The following PITPNM2 variants were observed in gnomAD, a reference collection of about 807,000 sequenced individuals.
PITPNM2 encodes the protein membrane-associated phosphatidylinositol transfer protein 2.
PITPNM2 carries 35 observed loss-of-function variants against 132.2 expected under a neutral mutation model. That is an observed-to-expected ratio of 0.26 (90% CI 0.20 to 0.35). The LOEUF (loss-of-function observed/expected upper bound fraction) is 0.35. Ranked by LOEUF, PITPNM2 falls within the 10% of genes least tolerant of loss-of-function variation. The probability of loss-of-function intolerance (pLI) is 1.00; values close to 1 mark genes in which losing one functional copy is unlikely to be tolerated. For synonymous variants in PITPNM2, 738 were observed against 799.2 expected (o/e 0.92, Z 1.29); for missense variants, 1,332 against 1,912.0 (o/e 0.70, Z 5.66).
At chr12:123,118,519 G>A (rs1359520055) in intron 1 of PITPNM2, among the ~76,000 whole-genome samples, 3 of 152,190 alleles carry the variant, frequency 2.0e-5, no homozygotes, top group Non-Finnish European at 4.4e-5. Flanking sequence ...AAGCAAAGAG[G>A]GAAATATGCT....
rs146164687 is a variant in PITPNM2, at chr12:123,054,806, G to A, written c.-95-20121C>T. On this transcript the variant is annotated intron_variant, in intron 2 of 25. Transcript: ENST00000320201. ...TGCTGAGGTATGGTGGCTCATGCCT[G>A]TAATCCCAGCACTTTGGGAGGCCAA... is the stretch of plus-strand genomic sequence containing the variant. Among the ~76,000 whole-genome samples the A allele has an allele frequency of 7.1e-3, 1,084 of 152,368 alleles. 14 individuals carry two copies. The highest frequency in any genetic ancestry group is 0.024 in the African/African-American group (998 of 41,584).
rs1592963165 is a variant in PITPNM2, at chr12:123,036,431, T to A, written c.-95-1746A>T. Among the ~76,000 whole-genome samples, 1 of 152,204 alleles carries A rather than the reference T, an allele frequency of 6.6e-6. No homozygotes were observed. ...CCCATTCAAATTCTCACATCCATCC[T>A]GGCATTATGGGATGCCAAGGCAGGT... On this transcript the variant is annotated intron_variant, in intron 2 of 25. Transcript: ENST00000320201. The surrounding 1 kb of genome is among the most constrained non-coding windows in gnomAD (Gnocchi z 4.1).
At position 123,000,297 on chromosome 12, in the gene PITPNM2, C is replaced by A; in HGVS notation, c.1224+481G>T. 1 of 651,542 alleles carries A rather than the reference C, an allele frequency of 1.5e-6. No individual in the cohort carries two copies. Among genetic ancestry groups the A allele is most frequent in the South Asian group, 1.6e-5 (1 of 60,754 alleles). The allele number at this position is 651,542 out of a possible 1,614,324, so 40.4% of individuals were successfully genotyped here. A position where few individuals can be genotyped will look rare whatever the true frequency, so the allele number is the denominator to read the frequency against. On this transcript the variant is annotated intron_variant, in intron 10 of 25. Coordinates refer to ENST00000320201, the MANE Select transcript of PITPNM2 (RefSeq NM_020845.3). The surrounding 1 kb of genome is among the most constrained non-coding windows in gnomAD (Gnocchi z 5.4). ...CCACAGAGAACCCCCGAAGCGGATA[C>A]AGGCGCTCTACCAAGACAGTTTTAT... is the stretch of plus-strand genomic sequence containing the variant.
At chr12:123,053,562 CTTTTTTT>C (rs964541144) in intron 2 of PITPNM2, among the ~76,000 whole-genome samples, 3 of 119,872 alleles carry the variant, frequency 2.5e-5, no homozygotes, top group South Asian at 2.8e-4. Context: ...ATGGTGACAT[CTTTTTTT>C]TTTTTTTTTT....
chr12:122,986,683 C>T lies in PITPNM2; in HGVS notation c.3560G>A (p.Arg1187Gln), dbSNP rs765551149. The change falls in exon 24 of 26, where the codon CGG becomes CAG. Residue 1187 changes from arginine to glutamine, a missense_variant. Arg to Gln is a conservative substitution (Grantham distance 43). Around this residue, in one of 6 missense-constraint regions of PITPNM2, gnomAD observed 251 missense variants for 472.0 expected, o/e 0.53. Coordinates refer to ENST00000320201, the MANE Select transcript of PITPNM2 (RefSeq NM_020845.3). ...CAGCTTCAGGAAGTTGGCCTTGTGC[C>T]GCAGCGGGTCATGCACCAGGCCGTC... ...FCDGLVHDPL[R>Q]HKANFLKLLI... 8 of 1,613,404 alleles carry T rather than the reference C, an allele frequency of 5.0e-6. No individual in the cohort carries two copies. Among genetic ancestry groups the T allele is most frequent in the Admixed American group, 1.7e-5 (1 of 60,016 alleles).
At chr12:122,991,691 G>A (rs1221186623) in intron 16 of PITPNM2, 2 of 1,280,366 alleles carry the variant, frequency 1.6e-6, no homozygotes, top group South Asian at 6.8e-5. Context: ...GGATTGGGGG[G>A]TGTCCCTGAG....
At chr12:123,140,806 G>T (rs778879209) in intron 1 of PITPNM2, among the ~76,000 whole-genome samples, 2 of 151,962 alleles carry the variant, frequency 1.3e-5, no homozygotes, top group Non-Finnish European at 2.9e-5. Flanking sequence ...TCCAAATTTG[G>T]CCTCAAAGTC....
Position 122,996,857 on chromosome 12 carries a change from A to G in PITPNM2, c.1526T>C (p.Ile509Thr). 1 of 1,597,430 alleles carries G rather than the reference A, an allele frequency of 6.3e-7. No homozygotes were observed. Among genetic ancestry groups the G allele is most frequent in the Non-Finnish European group, 8.5e-7 (1 of 1,175,694 alleles). Residue 509 changes from isoleucine (I) to threonine (T), a missense_variant, in exon 12 of 26, where the codon ATT becomes ACT. Around this residue, in one of 6 missense-constraint regions of PITPNM2, gnomAD observed 710 missense variants for 911.5 expected, o/e 0.78. Coordinates refer to ENST00000320201, the MANE Select transcript of PITPNM2 (RefSeq NM_020845.3). ...EGCLSSSQDHIPLAALPLLAT... is the reference protein window; with the variant it reads ...EGCLSSSQDHTPLAALPLLAT... ...CAGCAGGGGGAGGGCAGCCAGGGGAATGTGGTCCTGACTGCTGGACAGACA... is the reference window on the plus strand; with the variant it reads ...CAGCAGGGGGAGGGCAGCCAGGGGAGTGTGGTCCTGACTGCTGGACAGACA...
Position 123,105,842 on chromosome 12 carries a change from T to C in PITPNM2, c.-96+4543A>G, listed in dbSNP as rs1472947065. On this transcript the variant is annotated intron_variant, in intron 2 of 25. Transcript: ENST00000320201. ...AGAGGAAGAAGGAAAAGAAAGGTGG[T>C]GAGAAAGAGTTTCCCATGCTGAGAA... Among the ~76,000 whole-genome samples, 7 of 152,016 alleles carry C rather than the reference T, an allele frequency of 4.6e-5. No homozygotes were observed. In the East Asian group the frequency reaches 1.2e-3, roughly 25 times the overall value.
intron 2 of PITPNM2, among the ~76,000 whole-genome samples, chr12:123,096,637 G>C (rs575063095): frequency 3.3e-5 from 5 of 152,144 alleles, no homozygotes; most frequent in Non-Finnish European, 7.4e-5. Context: ...CCACAGGCCC[G>C]GGGGCATCTG....
rs944842641 is a variant in PITPNM2 at position 123,036,466 on chromosome 12, G to T, written c.-95-1781C>A. 1.3e-5 allele frequency among the ~76,000 whole-genome samples: 2 copies of T among 152,136 alleles called. No individual in the cohort carries two copies. Among genetic ancestry groups the T allele is most frequent in the African/African-American group, 4.8e-5 (2 of 41,438 alleles). On this transcript the variant is annotated intron_variant, in intron 2 of 25. Coordinates refer to ENST00000320201, the MANE Select transcript of PITPNM2 (RefSeq NM_020845.3). This position sits in a 1 kb window ranked among gnomAD's most constrained non-coding sequence, Gnocchi z 4.1. ...GGATGCCAAGGCAGGTGGACTGCTT[G>T]AGGTCAAGCAAGCTCAAGACCAGCC...
At chr12:123,006,750 TAA>T (rs2038952106) in intron 6 of PITPNM2, among the ~76,000 whole-genome samples, 1 of 149,938 alleles carries the variant, frequency 6.7e-6, no homozygotes, top group Admixed American at 6.7e-5. Context: ...ATAATAATAA[TAA>T]TAGAATGATA....
chr12:123,040,012 G>T (rs1266219317), intron 2 of PITPNM2, among the ~76,000 whole-genome samples: 2 of 152,060 alleles, frequency 1.3e-5, no homozygotes, highest in African/African-American at 4.8e-5. Context: ...TGCCTGTAGT[G>T]CCAGCTACTC....
intron 2 of PITPNM2, among the ~76,000 whole-genome samples, chr12:123,110,169 G>C (rs1441845501): frequency 6.6e-6 from 1 of 152,118 alleles, no homozygotes; most frequent in East Asian, 1.9e-4. Context: ...TGCCGAGGCT[G>C]TCTTGAAATC....
At chr12:123,030,445 G>A (rs981993742) in intron 3 of PITPNM2, among the ~76,000 whole-genome samples, 3 of 152,184 alleles carry the variant, frequency 2.0e-5, no homozygotes, top group African/African-American at 7.2e-5. Context: ...TGTAATCCCA[G>A]CACTTTGGGA....
At chr12:123,043,067 C>T (rs2040547657) in intron 2 of PITPNM2, among the ~76,000 whole-genome samples, 2 of 152,030 alleles carry the variant, frequency 1.3e-5, no homozygotes, top group South Asian at 4.2e-4. Context: ...AGTAGTTCCA[C>T]CTTTATGTGT....
chr12:123,120,675 C>T (rs1474051990), intron 1 of PITPNM2, among the ~76,000 whole-genome samples: 1 of 152,208 alleles, frequency 6.6e-6, no homozygotes, highest in Non-Finnish European at 1.5e-5. Flanking sequence ...GCTGGTACAA[C>T]ACCTAGCACC....
chr12:123,048,436 C>T (rs1407775546), intron 2 of PITPNM2, among the ~76,000 whole-genome samples: 1 of 149,732 alleles, frequency 6.7e-6, no homozygotes, highest in Non-Finnish European at 1.5e-5. Flanking sequence ...GACGGAGTCT[C>T]GCTCTGTCGC....
At chr12:123,013,703 C>CT in intron 4 of PITPNM2, 125 bp downstream of exon 4, 1 of 1,115,908 alleles carries the variant, frequency 9.0e-7, no homozygotes, top group Non-Finnish European at 1.3e-6. Flanking sequence ...CCTGGGTTCC[C>CT]TGGGGTTATG....
Sources: allele counts gnomAD v4.1 joint callset (sites outside exome capture counted in the v4.1 genomes callset), GRCh38; gene constraint gnomAD v4.1.1; regional missense constraint gnomAD v4.1.1; non-coding constraint Gnocchi (gnomAD v3.1); transcripts MANE v1.5; gene names NCBI Gene and HGNC (gene_info 2026-07-23, HGNC 2026-07-21).